The following SHANK2 variants were observed in gnomAD, a reference collection of about 807,000 sequenced individuals.
The protein encoded by SHANK2 is SH3 and multiple ankyrin repeat domains protein 2.
A neutral mutation model predicts 133.7 loss-of-function variants in SHANK2; 43 were observed. The ratio of observed to expected loss-of-function variants is 0.32; its 90% confidence interval spans 0.25 to 0.41. The LOEUF (loss-of-function observed/expected upper bound fraction) is 0.41, where lower values mean the gene tolerates loss of function less well. SHANK2 is among the 10% of genes least tolerant of loss of function. The probability of loss-of-function intolerance (pLI) is 1.00; values close to 1 mark genes in which losing one functional copy is unlikely to be tolerated. For missense variants in SHANK2, 1,994 were observed against 2,235.8 expected, an observed-to-expected ratio of 0.89 and a Z score of 2.18; for synonymous variants, 1,017 against 952.8, an observed-to-expected ratio of 1.07 and a Z score of -1.24.
At chr11:71,094,449 C>T in intron 7 of SHANK2, 88 bp downstream of exon 7, 1 of 1,357,872 alleles carries the variant, frequency 7.4e-7, no homozygotes. Flanking sequence ...CACGGACCCC[C>T]TAGGATGGGC....
intron 17 of SHANK2, among the ~76,000 whole-genome samples, chr11:70,651,610 A>C (rs373784605): frequency 1.3e-5 from 2 of 152,184 alleles, no homozygotes; most frequent in African/African-American, 4.8e-5. Context: ...AAGGCCCCCA[A>C]TGCTATTACC....
rs782273886 is a variant in SHANK2, at chr11:71,133,926, A to ATTT, written c.207+13191_207+13193dup. 3.2e-3 allele frequency among the ~76,000 whole-genome samples: 460 copies of ATTT among 144,072 alleles called. 5 individuals carry two copies. Among genetic ancestry groups the ATTT allele is most frequent in the African/African-American group, 0.011 (433 of 38,968 alleles). 94.5% of individuals were successfully genotyped at this position (144,072 alleles called of 152,430 possible). A position where few individuals can be genotyped will look rare whatever the true frequency, so the allele number is the denominator to read the frequency against. On this transcript the variant is annotated intron_variant, in intron 3 of 25. Coordinates refer to ENST00000601538, the MANE Select transcript of SHANK2 (RefSeq NM_012309.5). ...AGGGCAGCCCAAAGGAAAACTATGT[A>ATTT]TTTTTTTTTTTTTTTTAGGGAAGGG...
chr11:70,872,661 G>C (rs1555070422), intron 11 of SHANK2, among the ~76,000 whole-genome samples: 3 of 152,064 alleles, frequency 2.0e-5, no homozygotes, highest in Admixed American at 2.0e-4. Flanking sequence ...ATGAGAGATG[G>C]GTCCCTGGAC....
In SHANK2 at chr11:70,472,803, A is replaced by G. The variant is rs782007902; in HGVS notation, c.*66T>C. 6.0e-6 allele frequency: 9 copies of G among 1,488,210 alleles called. No homozygotes were observed. The highest frequency in any genetic ancestry group is 8.4e-6 in the Non-Finnish European group (9 of 1,065,700). 92.2% of individuals were successfully genotyped at this position (1,488,210 alleles called of 1,614,324 possible). A position where few individuals can be genotyped will look rare whatever the true frequency, so the allele number is the denominator to read the frequency against. ...CTCACAGACTTCGCTTGGCATTCAG[A>G]TGTTTCAGCACGAGCCCATCTCTAC... On this transcript the variant is annotated 3_prime_UTR_variant, in exon 26 of 26. Coordinates refer to ENST00000601538, the MANE Select transcript of SHANK2 (RefSeq NM_012309.5). This position sits in a 1 kb window ranked among gnomAD's most constrained non-coding sequence, Gnocchi z 4.4.
rs952954533 is a variant in SHANK2, at chr11:70,750,215, T to A, written c.1777+48228A>T. On this transcript the variant is annotated intron_variant, in intron 14 of 25. Coordinates refer to ENST00000601538, the MANE Select transcript of SHANK2 (RefSeq NM_012309.5). ...CTGTCACCTGGCTGGGACTCAAAGG[T>A]AGCCTGAAAGCCACATGTGTATAAC... 2.6e-5 allele frequency among the ~76,000 whole-genome samples: 4 copies of A among 152,156 alleles called. No homozygotes were observed. The East Asian group carries it at 7.7e-4, about 29-fold the overall frequency.
intron 17 of SHANK2, among the ~76,000 whole-genome samples, chr11:70,622,218 C>A (rs562217505): frequency 1.3e-5 from 2 of 152,140 alleles, no homozygotes; most frequent in African/African-American, 4.8e-5. Context: ...AACACAGCAC[C>A]GCAACTTCCC....
chr11:71,167,484 G>A (rs1234281361), intron 2 of SHANK2, among the ~76,000 whole-genome samples: 1 of 142,346 alleles, frequency 7.0e-6, no homozygotes, highest in Non-Finnish European at 1.5e-5. Flanking sequence ...TCCCAGTAGG[G>A]GCGGCCGGGC....
In SHANK2 at chr11:71,202,212, G is replaced by A. The variant is rs147523086; in HGVS notation, c.-13+22485C>T. 1.7e-3 allele frequency among the ~76,000 whole-genome samples: 260 copies of A among 152,342 alleles called. 3 individuals carry two copies. In the East Asian group the frequency reaches 0.041, roughly 24 times the overall value. ...GGACACACCCTTCTGCCGGGTGGCA[G>A]CCCAGATCAGGAACTCACCTCAGAG... On this transcript the variant is annotated intron_variant, in intron 2 of 25. Transcript: ENST00000601538.
intron 10 of SHANK2, among the ~76,000 whole-genome samples, chr11:70,932,710 C>T (rs1240453482): frequency 1.3e-5 from 2 of 152,194 alleles, no homozygotes; most frequent in Non-Finnish European, 2.9e-5. Context: ...GGCAGGGGCT[C>T]TCCTAACTAC....
At chr11:71,251,045 C>T (rs1191464875) in intron 1 of SHANK2, among the ~76,000 whole-genome samples, 21 of 152,308 alleles carry the variant, frequency 1.4e-4, no homozygotes, top group African/African-American at 5.1e-4. Flanking sequence ...GACGCCCAGG[C>T]CCCTGCCAGC....
In SHANK2 at chr11:70,874,226, A is replaced by G. The variant is rs535802806; in HGVS notation, c.1174+22275T>C. ...CCATATCTATATACTCCATCTATCT[A>G]TCCATTCACCCATCCAGCTATCCCT... On this transcript the variant is annotated intron_variant, in intron 11 of 25. Coordinates refer to ENST00000601538, the MANE Select transcript of SHANK2 (RefSeq NM_012309.5). Among the ~76,000 whole-genome samples the G allele has an allele frequency of 7.2e-5, 11 of 152,236 alleles. No individual in the cohort carries two copies. The South Asian group carries it at 2.3e-3, about 32-fold the overall frequency.
At chr11:70,910,020 G>A (rs1488783344) in intron 10 of SHANK2, among the ~76,000 whole-genome samples, 2 of 152,086 alleles carry the variant, frequency 1.3e-5, no homozygotes, top group East Asian at 1.9e-4. Flanking sequence ...GCACTGGGCC[G>A]CCTTCTCTCT....
intron 8 of SHANK2, among the ~76,000 whole-genome samples, chr11:71,082,855 A>G (rs1461546848): frequency 6.6e-6 from 1 of 152,112 alleles, no homozygotes; most frequent in Admixed American, 6.5e-5. Flanking sequence ...TGTCACACCC[A>G]TTGCACAATG....
At chr11:70,803,172 C>T (rs1316269275) in intron 13 of SHANK2, among the ~76,000 whole-genome samples, 2 of 151,706 alleles carry the variant, frequency 1.3e-5, no homozygotes, top group Admixed American at 6.6e-5. Context: ...ACAAAACACA[C>T]ACTGCTATTT....
intron 10 of SHANK2, among the ~76,000 whole-genome samples, chr11:70,899,763 C>T (rs1949997366): frequency 6.6e-6 from 1 of 152,178 alleles, no homozygotes; most frequent in Non-Finnish European, 1.5e-5. Context: ...GGCACTAGGC[C>T]TCCCTGCCCA....
At chr11:71,183,720 C>A (rs543707025) in intron 2 of SHANK2, among the ~76,000 whole-genome samples, 3 of 152,170 alleles carry the variant, frequency 2.0e-5, no homozygotes, top group Non-Finnish European at 4.4e-5. Flanking sequence ...CACCCAGGCC[C>A]ACCCAGCATG....
intron 2 of SHANK2, among the ~76,000 whole-genome samples, chr11:71,155,632 G>T (rs570392267): frequency 6.6e-6 from 1 of 152,064 alleles, no homozygotes; most frequent in South Asian, 2.1e-4. Context: ...ACCTCTTCCA[G>T]CAGTCTTGCC....
intron 2 of SHANK2, among the ~76,000 whole-genome samples, chr11:71,190,048 G>C (rs532205942): frequency 1.8e-4 from 27 of 152,218 alleles, no homozygotes; most frequent in Non-Finnish European, 3.5e-4. Flanking sequence ...TATCTGCAAG[G>C]AAGCCCCAAG....
chr11:70,639,575 C>T (rs1364756276), intron 17 of SHANK2, among the ~76,000 whole-genome samples: 2 of 152,260 alleles, frequency 1.3e-5, no homozygotes, highest in Non-Finnish European at 2.9e-5. Flanking sequence ...TGACACAGAC[C>T]ATCACACCAC....
Sources: gnomAD v4.1 joint callset for allele counts (sites outside exome capture counted in the v4.1 genomes callset) on GRCh38, gnomAD v4.1.1 for gene constraint, Gnocchi (gnomAD v3.1) non-coding constraint, MANE v1.5 for transcripts, NCBI Gene and HGNC (gene_info 2026-07-23, HGNC 2026-07-21) for gene names.